Variants in NELL2 observed in about 807,000 individuals in gnomAD.
NELL2 encodes the protein protein kinase C-binding protein NELL2.
In NELL2, 41 loss-of-function variants were observed where a neutral mutation model predicts 109.6. The observed-to-expected ratio is 0.37, with a 90% CI of 0.29 to 0.49. The LOEUF is 0.49. Ranked by LOEUF, NELL2 falls within the 20% of genes least tolerant of loss-of-function variation. The pLI is 0.98. For synonymous variants in NELL2, 355 were observed against 344.7 expected (o/e 1.03, Z -0.33); for missense variants, 900 against 1,008.3 (o/e 0.89, Z 1.45).
chr12:44,691,351 C>T (rs1454735885), intron 12 of NELL2, among the ~76,000 whole-genome samples: 1 of 152,102 alleles, frequency 6.6e-6, no homozygotes. Context: ...TATTCGAATT[C>T]TCCTAAGGCA....
At chr12:44,559,654 T>C (rs1943394866) in intron 15 of NELL2, among the ~76,000 whole-genome samples, 1 of 152,128 alleles carries the variant, frequency 6.6e-6, no homozygotes, top group African/African-American at 2.4e-5. Context: ...ATGCACCCAA[T>C]ACAGGAGCAC....
At chr12:44,672,425 A>G (rs1259168035) in intron 12 of NELL2, among the ~76,000 whole-genome samples, 2 of 152,290 alleles carry the variant, frequency 1.3e-5, no homozygotes, top group Non-Finnish European at 2.9e-5. Flanking sequence ...GATCTGAGGT[A>G]TAACAGTTTC....
At chr12:44,785,493 C>T (rs1241739813) in intron 3 of NELL2, among the ~76,000 whole-genome samples, 1 of 152,172 alleles carries the variant, frequency 6.6e-6, no homozygotes, top group Non-Finnish European at 1.5e-5. Context: ...CATCAAGCTA[C>T]CATTGACTTT....
chr12:44,625,471 T>C (rs1592227939), intron 13 of NELL2, among the ~76,000 whole-genome samples: 2 of 152,104 alleles, frequency 1.3e-5, no homozygotes, highest in East Asian at 3.9e-4. Context: ...ACATCAAACA[T>C]ATTATTTATC....
chr12:44,722,003 C>G (rs566051414), intron 9 of NELL2, among the ~76,000 whole-genome samples: 3 of 151,564 alleles, frequency 2.0e-5, no homozygotes, highest in Non-Finnish European at 4.4e-5. Context: ...GAAGGAATGG[C>G]ACAAAGAGGA....
At chr12:44,714,844 T>G (rs1938403519) in intron 9 of NELL2, 103 bp from the exon 10 acceptor site, 2 of 618,486 alleles carry the variant, frequency 3.2e-6, no homozygotes, top group Non-Finnish European at 5.3e-6. Context: ...ACACCTTTTT[T>G]CAACATGTAT....
intron 18 of NELL2, 73 bp downstream of exon 18, chr12:44,521,927 G>T: frequency 1.4e-6 from 2 of 1,478,622 alleles, no homozygotes; most frequent in Non-Finnish European, 1.9e-6. Flanking sequence ...TTGGCAGATG[G>T]GGAGGACGAG....
At chr12:44,905,497 A>G (rs1245535198) in intron 1 of NELL2, among the ~76,000 whole-genome samples, 1 of 152,060 alleles carries the variant, frequency 6.6e-6, no homozygotes, top group African/African-American at 2.4e-5. Flanking sequence ...TCATTAGTAA[A>G]GATTTTTAAA....
At chr12:44,887,416 T>C (rs535154307) in intron 1 of NELL2, among the ~76,000 whole-genome samples, 21 of 152,136 alleles carry the variant, frequency 1.4e-4, no homozygotes, top group African/African-American at 3.9e-4. Flanking sequence ...CCTTTCTCCA[T>C]ATCCTCACTA....
chr12:44,860,761 C>T (rs1293727077), intron 2 of NELL2, among the ~76,000 whole-genome samples: 1 of 152,202 alleles, frequency 6.6e-6, no homozygotes, highest in Non-Finnish European at 1.5e-5. Flanking sequence ...AATCTAATCT[C>T]CCCTTGCCAC....
At chr12:44,846,621 A>G (rs1449125354) in intron 2 of NELL2, among the ~76,000 whole-genome samples, 1 of 152,190 alleles carries the variant, frequency 6.6e-6, no homozygotes, top group African/African-American at 2.4e-5. Context: ...CCCCTTTCAG[A>G]CAATATGCAA....
chr12:44,579,173 T>G (rs1269782049), intron 15 of NELL2, among the ~76,000 whole-genome samples: 1 of 152,174 alleles, frequency 6.6e-6, no homozygotes, highest in Non-Finnish European at 1.5e-5. Flanking sequence ...TCATTTTGAT[T>G]TGTTTATTAG....
chr12:44,641,689 CTTTT>C (rs71093817), intron 13 of NELL2, among the ~76,000 whole-genome samples: 4 of 80,640 alleles, frequency 5.0e-5, no homozygotes, highest in Admixed American at 4.7e-4. Flanking sequence ...CTAGTTTCTC[CTTTT>C]TTTTTTTTTT....
chr12:44,772,131 T>C (rs866921498), intron 9 of NELL2, among the ~76,000 whole-genome samples: 64 of 152,226 alleles, frequency 4.2e-4, no homozygotes, highest in South Asian at 2.1e-4. Context: ...AGAGGGCTTA[T>C]ATTTATATTT....
intron 2 of NELL2, among the ~76,000 whole-genome samples, chr12:44,831,892 C>G (rs1402059387): frequency 1.3e-5 from 2 of 152,130 alleles, no homozygotes; most frequent in Non-Finnish European, 2.9e-5. Context: ...AATCTTCTTT[C>G]TTATTTGAGC....
intron 15 of NELL2, among the ~76,000 whole-genome samples, chr12:44,547,409 C>T (rs1019836000): frequency 2.0e-5 from 3 of 152,084 alleles, no homozygotes; most frequent in Admixed American, 2.0e-4. Context: ...TGGAAAAATG[C>T]TTGCGATAAA....
rs144141908 is a variant in NELL2, at chr12:44,798,766, A to G, written c.335+17220T>C. ...TAAATTGTGTAACAATGGCACATGAATAAAAAAGTAGACTAATGGAGCTGT... is the reference window on the plus strand; with the variant it reads ...TAAATTGTGTAACAATGGCACATGAGTAAAAAAGTAGACTAATGGAGCTGT... On this transcript the variant is annotated intron_variant, in intron 3 of 19. Transcript: ENST00000429094. Among the ~76,000 whole-genome samples, 44 of 152,224 alleles carry G rather than the reference A, an allele frequency of 2.9e-4. 1 individual carries two copies. The East Asian group carries it at 8.5e-3, about 29-fold the overall frequency.
chr12:44,812,481 T>G (rs958950700), intron 3 of NELL2, among the ~76,000 whole-genome samples: 11 of 152,324 alleles, frequency 7.2e-5, no homozygotes, highest in African/African-American at 2.4e-4. Context: ...TTAACAAGGT[T>G]TTTATCCTTT....
chr12:44,715,760 C>A (rs191395117), intron 9 of NELL2, among the ~76,000 whole-genome samples: 1 of 152,092 alleles, frequency 6.6e-6, no homozygotes, highest in Admixed American at 6.6e-5. Flanking sequence ...CAATTTGTTC[C>A]CCAAATTTAC....
Sources: allele counts gnomAD v4.1 joint callset (sites outside exome capture counted in the v4.1 genomes callset), GRCh38; gene constraint gnomAD v4.1.1; transcripts MANE v1.5; gene names NCBI Gene and HGNC (gene_info 2026-07-23, HGNC 2026-07-21).